The following PHF21B variants were observed in gnomAD, a reference collection of about 807,000 sequenced individuals.
PHF21B encodes PHD finger protein 21B.
A neutral mutation model predicts 62.2 loss-of-function variants in PHF21B; 22 were observed. The observed-to-expected ratio is 0.35, with a 90% CI of 0.25 to 0.51. The LOEUF (loss-of-function observed/expected upper bound fraction) is 0.51, where lower values mean the gene tolerates loss of function less well. PHF21B is among the 20% of genes least tolerant of loss of function. PHF21B has a pLI of 0.97. For synonymous variants in PHF21B, 341 were observed against 314.7 expected (o/e 1.08, Z -0.88); for missense variants, 701 against 707.9 (o/e 0.99, Z 0.11).
intron 3 of PHF21B, among the ~76,000 whole-genome samples, chr22:44,916,900 C>T (rs1392752262): frequency 3.9e-5 from 6 of 152,194 alleles, no homozygotes; most frequent in Non-Finnish European, 7.3e-5. Context: ...TGAAGAGCAG[C>T]GGGGAGGCTT....
chr22:44,956,161 C>T (rs1427819627), intron 2 of PHF21B, among the ~76,000 whole-genome samples: 1 of 152,184 alleles, frequency 6.6e-6, no homozygotes, highest in Non-Finnish European at 1.5e-5. Flanking sequence ...CAAGCAACGT[C>T]CCACCAGGCT....
chr22:44,937,769 G>A (rs572034887), intron 2 of PHF21B, among the ~76,000 whole-genome samples: 2 of 152,350 alleles, frequency 1.3e-5, no homozygotes, highest in African/African-American at 4.8e-5. Context: ...AAAGAATGAC[G>A]AATACTCTCG....
At chr22:44,916,987 C>G (rs2071447852) in intron 3 of PHF21B, among the ~76,000 whole-genome samples, 1 of 152,218 alleles carries the variant, frequency 6.6e-6, no homozygotes, top group African/African-American at 2.4e-5. Context: ...GCGGCAAAGC[C>G]CCCTTTGGCC....
chr22:44,978,271 G>A (rs2072775273), intron 2 of PHF21B, among the ~76,000 whole-genome samples: 1 of 152,248 alleles, frequency 6.6e-6, no homozygotes, highest in East Asian at 1.9e-4. Flanking sequence ...CTCACACCCA[G>A]GAGCCCCCAA....
At chr22:45,002,020 C>T (rs2073229694) in intron 2 of PHF21B, 1 of 152,222 alleles carries the variant, frequency 6.6e-6, no homozygotes, top group South Asian at 2.1e-4. Flanking sequence ...TCTTCTTTAT[C>T]TCCTAAATGT....
In PHF21B at chr22:44,950,175, C is replaced by T. The variant is rs115353265; in HGVS notation, c.121-29685G>A. ...GGTGTGGGTTGGCAACAGAAGCACA[C>T]ATAACACATCCTCATGCACATCCTC... On this transcript the variant is annotated intron_variant, in intron 2 of 12. Coordinates refer to ENST00000313237, the MANE Select transcript of PHF21B (RefSeq NM_138415.5). Among the ~76,000 whole-genome samples, 821 of 152,324 alleles carry T rather than the reference C, an allele frequency of 5.4e-3. 10 individuals carry two copies. The highest frequency in any genetic ancestry group is 0.019 in the African/African-American group (795 of 41,568).
At chr22:44,939,835 A>T (rs895741117) in intron 2 of PHF21B, among the ~76,000 whole-genome samples, 1 of 152,134 alleles carries the variant, frequency 6.6e-6, no homozygotes, top group African/African-American at 2.4e-5. Flanking sequence ...TCCAAGATGA[A>T]TAAGAGGCTG....
intron 2 of PHF21B, among the ~76,000 whole-genome samples, chr22:44,969,780 C>T (rs1216384004): frequency 6.6e-6 from 1 of 152,160 alleles, no homozygotes; most frequent in Non-Finnish European, 1.5e-5. Flanking sequence ...TGAGTGTAGA[C>T]TTTCCGCTAT....
At chr22:44,993,373 A>C (rs1020520575) in intron 2 of PHF21B, among the ~76,000 whole-genome samples, 1 of 152,146 alleles carries the variant, frequency 6.6e-6, no homozygotes, top group Non-Finnish European at 1.5e-5. Context: ...GTGTTGTTGG[A>C]AGTAAAGGCA....
At chr22:44,943,031 G>A (rs2071992075) in intron 2 of PHF21B, among the ~76,000 whole-genome samples, 1 of 142,956 alleles carries the variant, frequency 7.0e-6, no homozygotes, top group African/African-American at 2.7e-5. Context: ...GCTGACCAAA[G>A]CCAAGAGCAC....
intron 2 of PHF21B, among the ~76,000 whole-genome samples, chr22:44,925,692 C>T (rs917813580): frequency 6.6e-6 from 1 of 152,228 alleles, no homozygotes; most frequent in Non-Finnish European, 1.5e-5. Flanking sequence ...CTGGCACAGC[C>T]TGGCGGGCAG....
At chr22:44,979,316 G>A (rs753708991) in intron 2 of PHF21B, among the ~76,000 whole-genome samples, 7 of 152,238 alleles carry the variant, frequency 4.6e-5, no homozygotes, top group South Asian at 2.1e-4. Flanking sequence ...CCAAGTTCAC[G>A]TGTGACACCA....
intron 2 of PHF21B, among the ~76,000 whole-genome samples, chr22:44,977,763 T>C (rs1300971668): frequency 6.6e-6 from 1 of 151,540 alleles, no homozygotes; most frequent in African/African-American, 2.4e-5. Flanking sequence ...TTTTTTTTTT[T>C]TTTTGTAGAG....
intron 12 of PHF21B, among the ~76,000 whole-genome samples, chr22:44,883,746 G>A (rs2070779021): frequency 6.6e-6 from 1 of 152,122 alleles, no homozygotes; most frequent in African/African-American, 2.4e-5. Context: ...AAGCAGTAAG[G>A]ACTGATGCCT....
At chr22:44,950,434 A>G (rs2072170086) in intron 2 of PHF21B, among the ~76,000 whole-genome samples, 1 of 152,226 alleles carries the variant, frequency 6.6e-6, no homozygotes, top group Non-Finnish European at 1.5e-5. Context: ...CCTTAGCAGC[A>G]GCAGGCAGGA....
At chr22:44,884,430 ATT>A (rs1271439624) in intron 12 of PHF21B, among the ~76,000 whole-genome samples, 8 of 65,902 alleles carry the variant, frequency 1.2e-4, no homozygotes, top group Non-Finnish European at 2.9e-4. Flanking sequence ...CATGATCACC[ATT>A]ATCACCACCA....
At chr22:44,891,899 C>T (rs1477637656) in intron 7 of PHF21B, among the ~76,000 whole-genome samples, 1 of 152,182 alleles carries the variant, frequency 6.6e-6, no homozygotes, top group African/African-American at 2.4e-5. Flanking sequence ...TTCAAAGTGG[C>T]TTTGACTGCG....
chr22:44,986,071 T>C (rs952503137), intron 2 of PHF21B, among the ~76,000 whole-genome samples: 49 of 140,678 alleles, frequency 3.5e-4, no homozygotes, highest in Non-Finnish European at 6.2e-4. Flanking sequence ...ATGATCACCA[T>C]TATCACCATC....
chr22:44,940,465 A>C (rs980133550), intron 2 of PHF21B, among the ~76,000 whole-genome samples: 1 of 152,210 alleles, frequency 6.6e-6, no homozygotes, highest in African/African-American at 2.4e-5. Flanking sequence ...AGGATGCAGG[A>C]GGATTTTAAT....
Sources: gnomAD v4.1 joint callset for allele counts (sites outside exome capture counted in the v4.1 genomes callset) on GRCh38, gnomAD v4.1.1 for gene constraint, MANE v1.5 for transcripts, NCBI Gene and HGNC (gene_info 2026-07-23, HGNC 2026-07-21) for gene names.